BBS9: variants seen among roughly 807,000 people sequenced by gnomAD.
BBS9 encodes protein PTHB1.
Under a neutral mutation model 117.7 loss-of-function variants are expected in BBS9, and 89 were observed. The observed-to-expected ratio is 0.76, with a 90% CI of 0.64 to 0.90. BBS9 has a LOEUF of 0.90. BBS9 is among the 40% of genes least tolerant of loss of function. The probability of loss-of-function intolerance (pLI) is 0.00; values close to 1 mark genes in which losing one functional copy is unlikely to be tolerated. For synonymous variants in BBS9, 379 were observed against 370.9 expected (o/e 1.02, Z -0.25); for missense variants, 982 against 1,042.2 (o/e 0.94, Z 0.80).
In BBS9 at chr7:33,509,843, C is replaced by T. The variant is rs530792151; in HGVS notation, c.2298+4198C>T. On this transcript the variant is annotated intron_variant, in intron 20 of 22. Transcript: ENST00000242067. Reference sequence around the variant, plus strand: ...TGCTGATGAAAAGTAATGTTCTCCACACTATATTGTCAGTATTTTGTTTAA... The same window carrying T: ...TGCTGATGAAAAGTAATGTTCTCCATACTATATTGTCAGTATTTTGTTTAA... Among the ~76,000 whole-genome samples, 6 of 152,286 alleles carry T rather than the reference C, an allele frequency of 3.9e-5. No individual in the cohort carries two copies. The East Asian group carries it at 5.8e-4, about 15-fold the overall frequency.
chr7:33,539,630 C>G (rs1851963560), intron 21 of BBS9, among the ~76,000 whole-genome samples: 2 of 152,190 alleles, frequency 1.3e-5, no homozygotes, highest in South Asian at 4.1e-4. Flanking sequence ...GAGGCATGAT[C>G]TGTTTTCCTA....
intron 21 of BBS9, 52 bp downstream of exon 21, chr7:33,534,228 G>C (rs777057078): frequency 6.4e-7 from 1 of 1,551,892 alleles, no homozygotes; most frequent in Non-Finnish European, 8.8e-7. Context: ...TCCTAAATTA[G>C]AGGAATGTGC....
chr7:33,171,906 C>T (rs1369876676), intron 4 of BBS9, among the ~76,000 whole-genome samples: 1 of 152,058 alleles, frequency 6.6e-6, no homozygotes, highest in African/African-American at 2.4e-5. Context: ...TTATGAAGGT[C>T]AAGGCCTCTC....
At chr7:33,281,233 G>C (rs965050243) in intron 9 of BBS9, among the ~76,000 whole-genome samples, 10 of 151,254 alleles carry the variant, frequency 6.6e-5, no homozygotes, top group African/African-American at 2.4e-4. Context: ...GTTTTTTTTG[G>C]TGAGTTAAAA....
At chr7:33,586,876 A>G (rs991402201) in intron 21 of BBS9, among the ~76,000 whole-genome samples, 1 of 152,066 alleles carries the variant, frequency 6.6e-6, no homozygotes, top group African/African-American at 2.4e-5. Context: ...CATAGAATCA[A>G]TAGACACTGC....
chr7:33,433,068 C>T (rs909733155), intron 19 of BBS9, among the ~76,000 whole-genome samples: 2 of 152,132 alleles, frequency 1.3e-5, no homozygotes, highest in Non-Finnish European at 2.9e-5. Flanking sequence ...ATCATTTCCT[C>T]CAGTACCACA....
chr7:33,228,901 A>G (rs2128251917), intron 5 of BBS9, among the ~76,000 whole-genome samples: 1 of 152,262 alleles, frequency 6.6e-6, no homozygotes, highest in South Asian at 2.1e-4. Flanking sequence ...AAGGGGACCC[A>G]CACAGTTCAA....
intron 5 of BBS9, among the ~76,000 whole-genome samples, chr7:33,234,785 G>A (rs1243284309): frequency 6.6e-6 from 1 of 151,708 alleles, no homozygotes; most frequent in African/African-American, 2.4e-5. Context: ...ATACAGACAC[G>A]GGTAAAAACA....
At chr7:33,500,983 A>T (rs1010825099) in intron 19 of BBS9, among the ~76,000 whole-genome samples, 1 of 152,174 alleles carries the variant, frequency 6.6e-6, no homozygotes, top group Admixed American at 6.5e-5. Context: ...AACAAAACAA[A>T]GGCCATCAAC....
intron 4 of BBS9, among the ~76,000 whole-genome samples, chr7:33,170,058 T>C (rs1000635054): frequency 3.3e-5 from 5 of 152,056 alleles, no homozygotes; most frequent in African/African-American, 1.2e-4. Context: ...TCTGAAACTA[T>C]TCCAATCAAT....
At chr7:33,167,403 CT>C (rs1202170784) in intron 4 of BBS9, among the ~76,000 whole-genome samples, 3,033 of 134,106 alleles carry the variant, frequency 0.023, 45 homozygotes, top group African/African-American at 0.053. Context: ...TCTGAGAATT[CT>C]TTTTTTTTTT....
At chr7:33,148,346 G>A (rs1328951432) in intron 2 of BBS9, among the ~76,000 whole-genome samples, 3 of 152,116 alleles carry the variant, frequency 2.0e-5, no homozygotes, top group African/African-American at 7.2e-5. Context: ...AGTGTGGGAA[G>A]AGTAGTAGAT....
intron 9 of BBS9, among the ~76,000 whole-genome samples, chr7:33,322,322 G>A (rs1400363033): frequency 7.0e-6 from 1 of 143,392 alleles, no homozygotes; most frequent in Non-Finnish European, 1.5e-5. Context: ...AAAATATTTG[G>A]TATAATTCAG....
chr7:33,203,657 T>A (rs1018614960), intron 5 of BBS9, among the ~76,000 whole-genome samples: 1 of 152,188 alleles, frequency 6.6e-6, no homozygotes, highest in Non-Finnish European at 1.5e-5. Flanking sequence ...GTAGGTTGCA[T>A]GTAACAAGTA....
intron 21 of BBS9, among the ~76,000 whole-genome samples, chr7:33,575,524 T>C (rs1005163736): frequency 9.2e-5 from 14 of 151,988 alleles, no homozygotes; most frequent in Non-Finnish European, 4.4e-5. Flanking sequence ...TTCCAATCAA[T>C]AGAAAAAGAG....
chr7:33,258,758 C>T (rs1478886946), intron 6 of BBS9, among the ~76,000 whole-genome samples: 1 of 152,072 alleles, frequency 6.6e-6, no homozygotes, highest in East Asian at 1.9e-4. Flanking sequence ...ATTTAAACAC[C>T]CAGTTACTTA....
chr7:33,338,983 A>G (rs1474361475), intron 10 of BBS9, among the ~76,000 whole-genome samples: 4 of 152,200 alleles, frequency 2.6e-5, no homozygotes, highest in South Asian at 4.1e-4. Flanking sequence ...TGAAATGTCC[A>G]GGATAACTAA....
intron 21 of BBS9, among the ~76,000 whole-genome samples, chr7:33,632,352 C>T (rs1417935988): frequency 6.6e-6 from 1 of 152,168 alleles, no homozygotes; most frequent in Admixed American, 6.5e-5. Flanking sequence ...CCACTTATTT[C>T]AAAATCATGG....
intron 5 of BBS9, among the ~76,000 whole-genome samples, chr7:33,256,121 C>A (rs747304057): frequency 2.0e-5 from 3 of 151,974 alleles, no homozygotes; most frequent in Non-Finnish European, 4.4e-5. Flanking sequence ...CCACTGCACT[C>A]CAGCGTGGCA....
Sources: gnomAD v4.1 joint callset for allele counts (sites outside exome capture counted in the v4.1 genomes callset) on GRCh38, gnomAD v4.1.1 for gene constraint, MANE v1.5 for transcripts, NCBI Gene and HGNC (gene_info 2026-07-23, HGNC 2026-07-21) for gene names.